Variants in PLA2G4C observed in about 807,000 individuals in gnomAD.
PLA2G4C encodes the protein phospholipase A2 group IVC, also known as cytosolic phospholipase A2 gamma.
A neutral mutation model predicts 73.8 loss-of-function variants in PLA2G4C; 64 were observed. That is an observed-to-expected ratio of 0.87 (90% CI 0.71 to 1.07). The LOEUF (loss-of-function observed/expected upper bound fraction) is 1.07, where lower values mean the gene tolerates loss of function less well. Ranked by LOEUF, PLA2G4C falls within the 50% of genes least tolerant of loss-of-function variation. The pLI is 0.00. For missense variants in PLA2G4C, 622 were observed against 665.4 expected, an observed-to-expected ratio of 0.93 and a Z score of 0.72; for synonymous variants, 254 against 252.1, an observed-to-expected ratio of 1.01 and a Z score of -0.07.
At position 48,067,831 on chromosome 19, in the gene PLA2G4C, C is replaced by T. The variant is rs2122516101; in HGVS notation, c.1062G>A (p.Lys354=). ...AGTTGTGAGTGGTCCCCCATTCCCA[C>T]TTTGAAGCGCAAATGCCTGTTTTCT... ...FVKKTGICAS[K]WEWGTTHNFL... is the part of the protein sequence containing the mutation. The change falls in exon 13 of 17, where the codon AAG becomes AAA. Residue 354 remains lysine, a synonymous_variant. Coordinates refer to ENST00000599921, the MANE Select transcript of PLA2G4C (RefSeq NM_003706.3). 2.1e-5 allele frequency: 34 copies of T among 1,613,936 alleles called. No individual in the cohort carries two copies. The highest frequency in any genetic ancestry group is 2.9e-5 in the Non-Finnish European group (34 of 1,179,808).
intron 14 of PLA2G4C, among the ~76,000 whole-genome samples, chr19:48,055,416 T>TATATATATATATATA (rs1178938999): frequency 4.0e-5 from 6 of 149,436 alleles, no homozygotes; most frequent in African/African-American, 1.0e-4. Context: ...TATATTTCAA[T>TATATATATATATATA]TAGCCAGGCA....
intron 12 of PLA2G4C, among the ~76,000 whole-genome samples, chr19:48,071,592 C>T (rs1484544061): frequency 2.0e-5 from 3 of 151,858 alleles, no homozygotes; most frequent in East Asian, 2.0e-4. Context: ...CCACCACACC[C>T]GGCCATTCTA....
At chr19:48,074,622 A>G (rs1212360990) in intron 12 of PLA2G4C, 145 bp downstream of exon 12, 1 of 678,286 alleles carries the variant, frequency 1.5e-6, no homozygotes, top group East Asian at 2.6e-5. Flanking sequence ...TGAGATGTGG[A>G]AGGGAACAAA....
At chr19:48,077,956 G>A in intron 10 of PLA2G4C, 132 bp from the exon 11 acceptor site, 1 of 643,852 alleles carries the variant, frequency 1.6e-6, no homozygotes, top group Non-Finnish European at 2.6e-6. Flanking sequence ...TACGGGTTCT[G>A]GAGAGCTAAT....
At chr19:48,081,072 GGA>G (rs2030532153) in intron 10 of PLA2G4C, among the ~76,000 whole-genome samples, 1 of 151,530 alleles carries the variant, frequency 6.6e-6, no homozygotes, top group Non-Finnish European at 1.5e-5. Flanking sequence ...GGCTGGGCCA[GGA>G]GAATGGCGTG....
chr19:48,100,163 T>C (rs981787055), intron 4 of PLA2G4C, among the ~76,000 whole-genome samples: 2 of 152,176 alleles, frequency 1.3e-5, no homozygotes, highest in Non-Finnish European at 2.9e-5. Context: ...AAGGTTTATA[T>C]GTGACAGCAA....
intron 13 of PLA2G4C, among the ~76,000 whole-genome samples, chr19:48,067,155 C>A (rs1241868440): frequency 6.7e-6 from 1 of 148,500 alleles, no homozygotes; most frequent in East Asian, 1.9e-4. Flanking sequence ...GAAGGGAAAA[C>A]CCATACAAAT....
intron 4 of PLA2G4C, 49 bp from the exon 5 acceptor site, chr19:48,099,909 T>C (rs748162658): frequency 7.4e-7 from 1 of 1,345,270 alleles, no homozygotes; most frequent in Non-Finnish European, 1.1e-6. Flanking sequence ...GTGTGGACGA[T>C]GAAGACTGGG....
chr19:48,083,005 G>A (rs1474310519), intron 10 of PLA2G4C, among the ~76,000 whole-genome samples: 3 of 151,036 alleles, frequency 2.0e-5, no homozygotes, highest in African/African-American at 7.3e-5. Context: ...TAGTAGAGAC[G>A]GAGTTTCACC....
In PLA2G4C at chr19:48,048,211, T is replaced by C; in HGVS notation, c.*132A>G. The C allele has an allele frequency of 4.5e-6, 3 of 660,234 alleles. No individual in the cohort carries two copies. The South Asian group carries it at 5.7e-5, about 12-fold the overall frequency. The allele number at this position is 660,234 out of a possible 1,614,324, so 40.9% of individuals were successfully genotyped here. On this transcript the variant is annotated 3_prime_UTR_variant, in exon 17 of 17. Transcript: ENST00000599921. ...CTAGCTGGTCACTGGTGATTGGCCC[T>C]GTTAGGACAGCCAAGGTGAACTCAA...
chr19:48,067,173 G>GTTTT (rs71181638), intron 13 of PLA2G4C, among the ~76,000 whole-genome samples: 1 of 144,944 alleles, frequency 6.9e-6, no homozygotes, highest in Non-Finnish European at 1.5e-5. Context: ...AATGTGTGTT[G>GTTTT]TTTTTTTTTT....
chr19:48,064,072 C>A (rs962992346), intron 13 of PLA2G4C: 23 of 151,938 alleles, frequency 1.5e-4, no homozygotes, highest in South Asian at 2.1e-4. Flanking sequence ...ACAACAACAA[C>A]AAAAAAACAT....
chr19:48,076,060 C>A (rs1485447395), intron 11 of PLA2G4C, among the ~76,000 whole-genome samples: 1 of 152,252 alleles, frequency 6.6e-6, no homozygotes, highest in Admixed American at 6.5e-5. Context: ...GGCTTCCAGC[C>A]TCCAGAACTG....
At chr19:48,056,170 A>G (rs887462543) in intron 14 of PLA2G4C, among the ~76,000 whole-genome samples, 1 of 152,128 alleles carries the variant, frequency 6.6e-6, no homozygotes, top group Non-Finnish European at 1.5e-5. Flanking sequence ...CTAAACTTAC[A>G]TAAAACACAT....
At chr19:48,059,811 C>T (rs1191787315) in intron 14 of PLA2G4C, among the ~76,000 whole-genome samples, 1 of 146,768 alleles carries the variant, frequency 6.8e-6, no homozygotes, top group Non-Finnish European at 1.5e-5. Flanking sequence ...TCTTGTTCAC[C>T]AGGCTGGAGT....
intron 4 of PLA2G4C, among the ~76,000 whole-genome samples, chr19:48,102,208 G>A (rs950474720): frequency 6.6e-6 from 1 of 151,892 alleles, no homozygotes; most frequent in African/African-American, 2.4e-5. Context: ...AATTTAAAAT[G>A]GGCCGGACAT....
At position 48,110,547 on chromosome 19, in the gene PLA2G4C, G is replaced by GCGGAGGCTTGGGCTCCGGAATCCGGTC; in HGVS notation, c.-94_-93insGACCGGATTCCGGAGCCCAAGCCTCCG. 6.6e-7 allele frequency: 1 copy of GCGGAGGCTTGGGCTCCGGAATCCGGTC among 1,525,924 alleles called. No individual in the cohort carries two copies. The highest frequency in any genetic ancestry group is 8.8e-7 in the Non-Finnish European group (1 of 1,140,302). The allele number at this position is 1,525,924 out of a possible 1,614,324, so 94.5% of individuals were successfully genotyped here. A position where few individuals can be genotyped will look rare whatever the true frequency, so the allele number is the denominator to read the frequency against. ...TGGAGCTTGTGCTCCGGAATCCGGT[G>GCGGAGGCTTGGGCTCCGGAATCCGGTC]CGGAGGCTTGGGCTCCCTGCGCTTA... On this transcript the variant is annotated 5_prime_UTR_variant, in exon 1 of 17. Transcript: ENST00000599921.
At position 48,071,352 on chromosome 19, in the gene PLA2G4C, G is replaced by A. The variant is rs538939028; in HGVS notation, c.1006+3415C>T. 3.9e-5 allele frequency among the ~76,000 whole-genome samples: 6 copies of A among 152,080 alleles called. No homozygotes were observed. In the East Asian group the frequency reaches 9.7e-4, roughly 25 times the overall value. On this transcript the variant is annotated intron_variant, in intron 12 of 16. Coordinates refer to ENST00000599921, the MANE Select transcript of PLA2G4C (RefSeq NM_003706.3). ...GTTGCCCAGGCTGGAGTGCAATGGC[G>A]TGATCTCAGCTCACTGCAACCTCCG...
intron 8 of PLA2G4C, among the ~76,000 whole-genome samples, chr19:48,089,082 A>C (rs972110854): frequency 6.6e-6 from 1 of 152,154 alleles, no homozygotes; most frequent in Non-Finnish European, 1.5e-5. Flanking sequence ...ATATAGATAG[A>C]TTCCCTTTTT....
Sources: gnomAD v4.1 joint callset for allele counts (sites outside exome capture counted in the v4.1 genomes callset) on GRCh38, gnomAD v4.1.1 for gene constraint, MANE v1.5 for transcripts, NCBI Gene and HGNC (gene_info 2026-07-23, HGNC 2026-07-21) for gene names.